SNRPB2: variants seen among roughly 807,000 people sequenced by gnomAD.
SNRPB2 encodes small nuclear ribonucleoprotein polypeptide B2.
In SNRPB2, 16 loss-of-function variants were observed where a neutral mutation model predicts 26.3. The ratio of observed to expected loss-of-function variants is 0.61; its 90% CI spans 0.41 to 0.92. The LOEUF is 0.92. Ranked by LOEUF, SNRPB2 falls within the 40% of genes least tolerant of loss-of-function variation. The probability of loss-of-function intolerance (pLI) is 0.00; values close to 1 mark genes in which losing one functional copy is unlikely to be tolerated. For missense variants in SNRPB2, 179 were observed against 268.1 expected (o/e 0.67, Z 2.32); for synonymous variants, 75 against 89.0 (o/e 0.84, Z 0.88).
chr20:16,733,504 G>T (rs1277562665), intron 3 of SNRPB2, among the ~76,000 whole-genome samples: 2 of 152,206 alleles, frequency 1.3e-5, no homozygotes, highest in African/African-American at 4.8e-5. Context: ...ATAACCAGTG[G>T]CAGCCTCAGG....
At chr20:16,737,951 A>C (rs150780477) in intron 4 of SNRPB2, among the ~76,000 whole-genome samples, 402 of 151,390 alleles carry the variant, frequency 2.7e-3, no homozygotes, top group African/African-American at 9.5e-3. Context: ...AGGCAGGAGA[A>C]TAGCATGAAC....
At position 16,735,934 on chromosome 20, in the gene SNRPB2, C is replaced by T. The variant is rs573254132; in HGVS notation, c.238-1327C>T. ...TTCCATATGACACATTCCACAGCTG[C>T]GACACATGTCAATGCTTCTATTGAG... is the stretch of plus-strand genomic sequence containing the variant. On this transcript the variant is annotated intron_variant, in intron 3 of 6. Coordinates refer to ENST00000246071, the MANE Select transcript of SNRPB2 (RefSeq NM_003092.5). 7.2e-5 allele frequency among the ~76,000 whole-genome samples: 11 copies of T among 152,302 alleles called. No individual in the cohort carries two copies. In the East Asian group the frequency reaches 1.3e-3, roughly 19 times the overall value.
At chr20:16,739,331 G>A (rs1264365112) in intron 5 of SNRPB2, among the ~76,000 whole-genome samples, 2 of 151,938 alleles carry the variant, frequency 1.3e-5, no homozygotes, top group Non-Finnish European at 2.9e-5. Context: ...GTTAACCTTT[G>A]CTCTCACTTC....
intron 4 of SNRPB2, among the ~76,000 whole-genome samples, chr20:16,738,388 A>C (rs1243131047): frequency 1.3e-5 from 2 of 148,776 alleles, no homozygotes; most frequent in Non-Finnish European, 3.0e-5. Flanking sequence ...GGTTGCATTG[A>C]GGCAAGATTA....
At position 16,732,281 on chromosome 20, in the gene SNRPB2, C is replaced by A; in HGVS notation, c.182C>A (p.Ser61Ter). Reference protein sequence around the residue: ...QAFVIFKELGSSTNALRQLQG... With the variant: ...QAFVIFKELG Reference sequence around the variant, plus strand: ...TTTGTCATATTTAAGGAACTGGGCTCATCCACAAATGCCTTGAGACAGCTA... The same window carrying A: ...TTTGTCATATTTAAGGAACTGGGCTAATCCACAAATGCCTTGAGACAGCTA... The change falls in exon 3 of 7, where the codon TCA becomes TAA. Residue 61 changes from serine (S) to a stop codon, truncating the protein, a stop_gained. Transcript: ENST00000246071. LOFTEE classifies it high-confidence loss of function. The A allele has an allele frequency of 1.2e-6, 2 of 1,602,440 alleles. No homozygotes were observed. The highest frequency in any genetic ancestry group is 1.7e-6 in the Non-Finnish European group (2 of 1,173,958).
At chr20:16,738,306 G>A (rs1016780601) in intron 4 of SNRPB2, among the ~76,000 whole-genome samples, 2 of 151,764 alleles carry the variant, frequency 1.3e-5, no homozygotes, top group Non-Finnish European at 2.9e-5. Context: ...CCTGGCCGTG[G>A]TGGTGGATGC....
At chr20:16,739,905 ATTT>A (rs200518385) in intron 5 of SNRPB2, among the ~76,000 whole-genome samples, 2 of 139,338 alleles carry the variant, frequency 1.4e-5, no homozygotes, top group South Asian at 2.3e-4. Flanking sequence ...TCTAGTTCCA[ATTT>A]TTTTTTTTTT....
chr20:16,734,783 C>G (rs1031302240), intron 3 of SNRPB2, among the ~76,000 whole-genome samples: 1 of 152,164 alleles, frequency 6.6e-6, no homozygotes, highest in Non-Finnish European at 1.5e-5. Context: ...TGGTTGAGAA[C>G]CACTGGTTTA....
chr20:16,740,225 G>A (rs2072454272), intron 5 of SNRPB2, 100 bp from the exon 6 acceptor site: 1 of 1,540,954 alleles, frequency 6.5e-7, no homozygotes, highest in Non-Finnish European at 8.7e-7. Flanking sequence ...CAGTGTCATT[G>A]TTTTTCAGCT....
chr20:16,732,203 G>A lies in SNRPB2; in HGVS notation c.104G>A (p.Gly35Asp), dbSNP rs2122497410. The A allele has an allele frequency of 6.2e-7, 1 of 1,604,330 alleles. No individual in the cohort carries two copies. Among genetic ancestry groups the A allele is most frequent in the South Asian group, 1.1e-5 (1 of 89,928 alleles). The change falls in exon 3 of 7, where the codon GGT becomes GAT. Residue 35 changes from glycine to aspartate, a missense_variant. By Grantham distance (94) the Gly-to-Asp change is moderately conservative. Coordinates refer to ENST00000246071, the MANE Select transcript of SNRPB2 (RefSeq NM_003092.5). ...RSLYALFSQFGHVVDIVALKT... is the reference protein window; with the variant it reads ...RSLYALFSQFDHVVDIVALKT... Reference sequence around the variant, plus strand: ...CTATATGCCCTGTTTTCTCAGTTTGGTCATGTGGTGGACATTGTGGCTTTA... The same window carrying A: ...CTATATGCCCTGTTTTCTCAGTTTGATCATGTGGTGGACATTGTGGCTTTA...
chr20:16,735,473 G>A (rs1163177961), intron 3 of SNRPB2, among the ~76,000 whole-genome samples: 1 of 152,174 alleles, frequency 6.6e-6, no homozygotes, highest in Non-Finnish European at 1.5e-5. Flanking sequence ...TATTCAGACA[G>A]TTCATTGGCG....
At chr20:16,738,829 C>A in intron 4 of SNRPB2, 23 bp from the exon 5 acceptor site, 2 of 1,443,360 alleles carry the variant, frequency 1.4e-6, no homozygotes, top group Non-Finnish European at 9.8e-7. Context: ...GATATTTAAA[C>A]TCTCCCTATT....
chr20:16,732,122 T>C, intron 2 of SNRPB2, 42 bp from the exon 3 acceptor site: 2 of 1,251,200 alleles, frequency 1.6e-6, no homozygotes, highest in Middle Eastern at 2.4e-4. Flanking sequence ...CTTTTGTCAT[T>C]ACTTTATTAC....
Position 16,737,307 on chromosome 20 carries a change from G to T in SNRPB2, c.284G>T (p.Arg95Leu). ...KTDSDIISKM[R>L]GTFADKEKKK... ...GATTCGGATATAATATCAAAAATGC[G>T]TGGAACTTTTGCTGACAAAGAAAAG... The change falls in exon 4 of 7, where the codon CGT becomes CTT. Residue 95 changes from arginine to leucine, a missense_variant. By Grantham distance (102) the Arg-to-Leu change is moderately radical. Transcript: ENST00000246071. 2 of 1,605,372 alleles carry T rather than the reference G, an allele frequency of 1.2e-6. No homozygotes were observed. The highest frequency in any genetic ancestry group is 1.7e-6 in the Non-Finnish European group (2 of 1,177,232).
chr20:16,740,790 A>G (rs761047230), intron 6 of SNRPB2, 56 bp from the exon 7 acceptor site: 1 of 1,360,656 alleles, frequency 7.3e-7, no homozygotes, highest in Non-Finnish European at 1.0e-6. Context: ...AAATTTTAAC[A>G]CAAAGCAAAC....
intron 5 of SNRPB2, among the ~76,000 whole-genome samples, chr20:16,739,188 T>C (rs1226538295): frequency 6.6e-6 from 1 of 152,194 alleles, no homozygotes; most frequent in Non-Finnish European, 1.5e-5. Context: ...AGCAAACATT[T>C]TGGTTTCCTC....
chr20:16,736,038 A>G (rs2122502850), intron 3 of SNRPB2, among the ~76,000 whole-genome samples: 1 of 152,310 alleles, frequency 6.6e-6, no homozygotes, highest in African/African-American at 2.4e-5. Flanking sequence ...CTGTTTTTTT[A>G]AACACACGTG....
chr20:16,732,086 C>A, intron 2 of SNRPB2, 78 bp from the exon 3 acceptor site: 1 of 839,186 alleles, frequency 1.2e-6, no homozygotes, highest in African/African-American at 1.8e-5. Flanking sequence ...GGGGGGGCAA[C>A]TCAATGCAGT....
chr20:16,731,966 T>A (rs2072394746), intron 2 of SNRPB2, among the ~76,000 whole-genome samples, 198 bp from the exon 3 acceptor site: 1 of 152,214 alleles, frequency 6.6e-6, no homozygotes, highest in Non-Finnish European at 1.5e-5. Flanking sequence ...CTGTTTCTAC[T>A]CATAGATATA....
Sources: gnomAD v4.1 joint callset for allele counts (sites outside exome capture counted in the v4.1 genomes callset) on GRCh38, gnomAD v4.1.1 for gene constraint, MANE v1.5 for transcripts, NCBI Gene and HGNC (gene_info 2026-07-23, HGNC 2026-07-21) for gene names.